Variants in ATP2B4 observed in about 807,000 individuals in gnomAD.
The protein encoded by ATP2B4 is plasma membrane calcium-transporting ATPase 4.
A neutral mutation model predicts 110.3 loss-of-function variants in ATP2B4; 39 were observed. The observed-to-expected ratio is 0.35, with a 90% CI of 0.27 to 0.46. The LOEUF (loss-of-function observed/expected upper bound fraction) is 0.46, where lower values mean the gene tolerates loss of function less well. ATP2B4 is among the 20% of genes least tolerant of loss of function. The pLI is 1.00. For missense variants in ATP2B4, 1,135 were observed against 1,530.9 expected, an observed-to-expected ratio of 0.74 and a Z score of 4.32; for synonymous variants, 538 against 571.7, an observed-to-expected ratio of 0.94 and a Z score of 0.84.
rs1480081343 is a variant in ATP2B4, at chr1:203,629,348, A to G, written c.-465+2129A>G. 6.6e-6 allele frequency among the ~76,000 whole-genome samples: 1 copy of G among 152,142 alleles called. No individual in the cohort carries two copies. Among genetic ancestry groups the G allele is most frequent in the Non-Finnish European group, 1.5e-5 (1 of 68,012 alleles). On this transcript the variant is annotated intron_variant, in intron 1 of 20. Coordinates refer to ENST00000357681, the MANE Select transcript of ATP2B4 (RefSeq NM_001684.5). The surrounding 1 kb of genome is among the most constrained non-coding windows in gnomAD (Gnocchi z 4.6). ...CATCTTGCTGAGGTGCAACCTCGAAAATCACGCCGCTTTCGCCGCGGCCTC... is the reference window on the plus strand; with the variant it reads ...CATCTTGCTGAGGTGCAACCTCGAAGATCACGCCGCTTTCGCCGCGGCCTC...
intron 1 of ATP2B4, among the ~76,000 whole-genome samples, chr1:203,632,432 C>T (rs532562139): frequency 4.8e-4 from 72 of 151,292 alleles, no homozygotes; most frequent in Non-Finnish European, 8.4e-4. Context: ...CAAGCTCTGC[C>T]GCCCGGGTTC....
chr1:203,662,629 C>G (rs2102334055), intron 1 of ATP2B4, among the ~76,000 whole-genome samples: 1 of 152,326 alleles, frequency 6.6e-6, no homozygotes, highest in South Asian at 2.1e-4. Flanking sequence ...ATCCGTGTGG[C>G]AGCATGTGTC....
intron 20 of ATP2B4, 117 bp from the exon 21 acceptor site, chr1:203,739,429 G>C: frequency 1.0e-6 from 1 of 993,142 alleles, no homozygotes; most frequent in Non-Finnish European, 1.5e-6. Context: ...TTGATGCTGA[G>C]CAGTCATGTT....
At chr1:203,641,452 C>T (rs892225876) in intron 1 of ATP2B4, among the ~76,000 whole-genome samples, 4 of 152,170 alleles carry the variant, frequency 2.6e-5, no homozygotes, top group Admixed American at 1.3e-4. Flanking sequence ...TTCAACCCAA[C>T]TACATTCTTC....
At chr1:203,646,258 T>C (rs2102311605) in intron 1 of ATP2B4, among the ~76,000 whole-genome samples, 1 of 151,730 alleles carries the variant, frequency 6.6e-6, no homozygotes, top group East Asian at 1.9e-4. Flanking sequence ...AGAGATAAAA[T>C]ACTTTTATCC....
intron 7 of ATP2B4, 59 bp from the exon 8 acceptor site, chr1:203,703,593 C>G (rs1431311120): frequency 6.4e-6 from 10 of 1,562,098 alleles, no homozygotes; most frequent in Non-Finnish European, 7.8e-6. Context: ...TTCCACCTGC[C>G]TGCCACTCAG....
intron 13 of ATP2B4, among the ~76,000 whole-genome samples, 199 bp from the exon 14 acceptor site, chr1:203,712,966 G>A (rs1012206476): frequency 2.6e-5 from 4 of 152,110 alleles, no homozygotes; most frequent in Admixed American, 6.5e-5. Flanking sequence ...AAAAAAGCAG[G>A]GCCTGAATGG....
chr1:203,703,742 A>G lies in ATP2B4; in HGVS notation c.1028A>G (p.Lys343Arg), dbSNP rs1210616073. The change falls in exon 8 of 21, where the codon AAG (lysine) becomes AGG (arginine). Residue 343 changes from lysine (K) to arginine (R), a missense_variant. Transcript: ENST00000357681. ...GAGGAAAAGGACAAGAAGGCAGTCA[A>G]GGTGCCTAAAAAGGAGAAGTCAGTG... ...DNEEKDKKAV[K>R]VPKKEKSVLQ... 3.1e-6 allele frequency: 5 copies of G among 1,614,202 alleles called. No homozygotes were observed. Among genetic ancestry groups the G allele is most frequent in the Non-Finnish European group, 4.2e-6 (5 of 1,180,018 alleles).
chr1:203,691,348 C>G (rs574734554), intron 2 of ATP2B4, among the ~76,000 whole-genome samples: 40 of 152,250 alleles, frequency 2.6e-4, no homozygotes, highest in African/African-American at 9.1e-4. Context: ...CTGCATCTAC[C>G]GAAAGTGGGG....
At chr1:203,674,140 G>A (rs7418913) in intron 1 of ATP2B4, among the ~76,000 whole-genome samples, 43,259 of 152,084 alleles carry the variant, frequency 0.28, 6,449 homozygotes, top group South Asian at 0.53. Context: ...TGAGGAGTGA[G>A]TAGCAGTTAT....
intron 19 of ATP2B4, among the ~76,000 whole-genome samples, chr1:203,724,532 A>AT (rs772052132): frequency 6.6e-6 from 1 of 152,212 alleles, no homozygotes; most frequent in East Asian, 1.9e-4. Flanking sequence ...GAAAAAAAAA[A>AT]GAAAAATCCC....
At position 203,739,613 on chromosome 1, in the gene ATP2B4, C is replaced by A; in HGVS notation, c.3377C>A (p.Ser1126Tyr). The change falls in exon 21 of 21, where the codon TCC becomes TAC. Residue 1126 changes from serine to tyrosine, a missense_variant. Physicochemically the swap from Ser to Tyr is moderately radical, Grantham distance 144 (BLOSUM62 -2). Transcript: ENST00000357681. ...ESIQKPYNQKSIHSFMTHPEF... is the reference protein window; with the variant it reads ...ESIQKPYNQKYIHSFMTHPEF... ...ATTCAGAAACCCTACAACCAAAAGT[C>A]CATCCACAGCTTCATGACCCACCCT... 6.2e-7 allele frequency: 1 copy of A among 1,614,124 alleles called. No individual in the cohort carries two copies. Among genetic ancestry groups the A allele is most frequent in the Non-Finnish European group, 8.5e-7 (1 of 1,180,026 alleles).
rs1477872027 is a variant in ATP2B4 at position 203,741,169 on chromosome 1, T to C, written c.*1315T>C. The C allele has an allele frequency of 6.6e-6, 1 of 152,584 alleles. No individual in the cohort carries two copies. Among genetic ancestry groups the C allele is most frequent in the Non-Finnish European group, 1.5e-5 (1 of 68,038 alleles). The allele number at this position is 152,584 out of a possible 1,614,324, so 9.5% of individuals were successfully genotyped here. A position where few individuals can be genotyped will look rare whatever the true frequency, so the allele number is the denominator to read the frequency against. On this transcript the variant is annotated 3_prime_UTR_variant, in exon 21 of 21. Coordinates refer to ENST00000357681, the MANE Select transcript of ATP2B4 (RefSeq NM_001684.5). Reference sequence around the variant, plus strand: ...CCAGCCTTTCTCAAATATTCTGATTTTGAAAATATGTATCCAAAGTGGGAG... The same window carrying C: ...CCAGCCTTTCTCAAATATTCTGATTCTGAAAATATGTATCCAAAGTGGGAG...
chr1:203,715,822 C>T (rs988573463), intron 15 of ATP2B4, among the ~76,000 whole-genome samples: 1 of 144,328 alleles, frequency 6.9e-6, no homozygotes, highest in Non-Finnish European at 1.5e-5. Flanking sequence ...TTTGATACAT[C>T]TGTTAAGTCT....
intron 20 of ATP2B4, among the ~76,000 whole-genome samples, chr1:203,737,242 T>C (rs1376287931): frequency 1.3e-5 from 2 of 152,224 alleles, no homozygotes; most frequent in Non-Finnish European, 2.9e-5. Flanking sequence ...ACTTCACATG[T>C]AATTTTTTCC....
At position 203,662,056 on chromosome 1, in the gene ATP2B4, TCTCA is replaced by T. The variant is rs548850151; in HGVS notation, c.-464-20681_-464-20678del. 3.3e-3 allele frequency among the ~76,000 whole-genome samples: 503 copies of T among 150,822 alleles called. 1 individual carries two copies. Among genetic ancestry groups the T allele is most frequent in the Non-Finnish European group, 5.5e-3 (375 of 67,642 alleles). Reference sequence around the variant, plus strand: ...ACCTTTTTTTTTTTTTGAGATGGAGTCTCACTCAGTTGCCCAGGCTGGGGTGCAG... The same window carrying T: ...ACCTTTTTTTTTTTTTGAGATGGAGTCTCAGTTGCCCAGGCTGGGGTGCAG... On this transcript the variant is annotated intron_variant, in intron 1 of 20. Transcript: ENST00000357681.
intron 20 of ATP2B4, chr1:203,729,598 C>T: frequency 1.7e-6 from 1 of 600,774 alleles, no homozygotes; most frequent in Middle Eastern, 3.0e-4. Context: ...CACTATGCAC[C>T]TGACTGTACT....
At chr1:203,672,627 G>C (rs541875796) in intron 1 of ATP2B4, among the ~76,000 whole-genome samples, 11 of 152,278 alleles carry the variant, frequency 7.2e-5, no homozygotes, top group African/African-American at 2.6e-4. Context: ...TTCTGGAACC[G>C]TGGGGGATGG....
chr1:203,686,685 C>CTTTTTTCTTTCTTTT (rs1665194666), intron 2 of ATP2B4, among the ~76,000 whole-genome samples: 6 of 42,776 alleles, frequency 1.4e-4, no homozygotes, highest in Non-Finnish European at 2.3e-4. Flanking sequence ...TCTTTTCTTT[C>CTTTTTTCTTTCTTTT]TTTTTTTTTT....
Sources: gnomAD v4.1 joint callset for allele counts (sites outside exome capture counted in the v4.1 genomes callset) on GRCh38, gnomAD v4.1.1 for gene constraint, Gnocchi (gnomAD v3.1) non-coding constraint, MANE v1.5 for transcripts, NCBI Gene and HGNC (gene_info 2026-07-23, HGNC 2026-07-21) for gene names.